The following CGNL1 variants were observed in gnomAD, a reference collection of about 807,000 sequenced individuals.
CGNL1 encodes cingulin-like protein 1.
A neutral mutation model predicts 141.2 loss-of-function variants in CGNL1; 132 were observed. That is an observed-to-expected ratio of 0.93 (90% CI 0.81 to 1.08). The LOEUF is 1.08. Among genes scored for constraint, CGNL1 ranks in the 50% least tolerant of loss-of-function variants. The pLI, the probability that CGNL1 is intolerant of heterozygous loss-of-function variation, is 0.00. For missense variants in CGNL1, 1,870 were observed against 1,588.6 expected, an observed-to-expected ratio of 1.18 and a Z score of -3.01; for synonymous variants, 690 against 622.1, an observed-to-expected ratio of 1.11 and a Z score of -1.63.
rs368084463 is a variant in CGNL1, at chr15:57,452,456, T to C, written c.2054+167T>C. On this transcript the variant is annotated intron_variant, in intron 6 of 18. Transcript: ENST00000281282. ...GTAAAATTATGAAGCTGGCGACACATGTAGACTGATAAACAAAAAGGTTAG... is the reference window on the plus strand; with the variant it reads ...GTAAAATTATGAAGCTGGCGACACACGTAGACTGATAAACAAAAAGGTTAG... Among the ~76,000 whole-genome samples, 14 of 152,342 alleles carry C rather than the reference T, an allele frequency of 9.2e-5. No homozygotes were observed. In the South Asian group the frequency reaches 1.2e-3, roughly 14 times the overall value.
At chr15:57,413,865 G>A (rs1247649847) in intron 1 of CGNL1, among the ~76,000 whole-genome samples, 3 of 152,154 alleles carry the variant, frequency 2.0e-5, no homozygotes. Flanking sequence ...CCCAGTGTCG[G>A]CATCAGTTTT....
intron 4 of CGNL1, among the ~76,000 whole-genome samples, chr15:57,447,898 A>C (rs2063276319): frequency 6.6e-6 from 1 of 151,440 alleles, no homozygotes; most frequent in Admixed American, 6.6e-5. Flanking sequence ...TTGACCTTTC[A>C]AATTCATTAG....
chr15:57,508,698 A>G (rs887322381), intron 8 of CGNL1, among the ~76,000 whole-genome samples: 11 of 152,234 alleles, frequency 7.2e-5, no homozygotes, highest in African/African-American at 2.4e-4. Flanking sequence ...AGCTCAGCTC[A>G]AATCTCTGCA....
chr15:57,465,565 A>G (rs576809994), intron 8 of CGNL1, among the ~76,000 whole-genome samples: 31 of 151,650 alleles, frequency 2.0e-4, no homozygotes, highest in African/African-American at 7.5e-4. Flanking sequence ...TAATTTTTGT[A>G]TTTTTAGTAG....
intron 18 of CGNL1, 103 bp from the exon 19 acceptor site, chr15:57,547,252 C>A: frequency 7.8e-7 from 1 of 1,282,494 alleles, no homozygotes; most frequent in Non-Finnish European, 1.1e-6. Flanking sequence ...CTGTGCCACT[C>A]AGTGGGGTGC....
intron 12 of CGNL1, 35 bp from the exon 13 acceptor site, chr15:57,528,619 C>G: frequency 6.2e-7 from 1 of 1,610,492 alleles, no homozygotes; most frequent in Non-Finnish European, 8.5e-7. Context: ...TCTTGATGCA[C>G]CCCAGAAAAC....
At chr15:57,449,040 T>A (rs1446423687) in intron 4 of CGNL1, among the ~76,000 whole-genome samples, 1 of 152,186 alleles carries the variant, frequency 6.6e-6, no homozygotes, top group Non-Finnish European at 1.5e-5. Flanking sequence ...CCATGTTCCT[T>A]TCTTGGATTT....
intron 8 of CGNL1, among the ~76,000 whole-genome samples, chr15:57,494,864 T>C (rs2063915115): frequency 6.6e-6 from 1 of 152,196 alleles, no homozygotes; most frequent in African/African-American, 2.4e-5. Flanking sequence ...TCCCTCTAAA[T>C]GTCTCCATGT....
intron 8 of CGNL1, among the ~76,000 whole-genome samples, chr15:57,475,531 GTGTGTTTTC>G (rs1402724648): frequency 2.3e-5 from 2 of 86,194 alleles, no homozygotes; most frequent in Admixed American, 1.3e-4. Flanking sequence ...GTGTGTGTGT[GTGTGTTTTC>G]TTTTCTTCTC....
At chr15:57,456,407 T>C (rs2063379387) in intron 7 of CGNL1, among the ~76,000 whole-genome samples, 2 of 152,114 alleles carry the variant, frequency 1.3e-5, no homozygotes, top group African/African-American at 4.8e-5. Context: ...ATGCAGTCAG[T>C]AAAGTAACAT....
intron 8 of CGNL1, among the ~76,000 whole-genome samples, chr15:57,480,573 T>C (rs1280381): frequency 0.49 from 73,840 of 152,106 alleles, 18,199 homozygotes; most frequent in South Asian, 0.53. Context: ...TTTAAAAAGT[T>C]ACAACCATCA....
At chr15:57,543,877 A>T in intron 15 of CGNL1, 98 bp downstream of exon 15, 1 of 847,028 alleles carries the variant, frequency 1.2e-6, no homozygotes, top group Middle Eastern at 3.4e-4. Context: ...TCCCTCCTTT[A>T]CTTGGCATCC....
Position 57,438,512 on chromosome 15 carries a change from G to A in CGNL1, c.513G>A (p.Glu171=), listed in dbSNP as rs774257684. 3 of 1,614,128 alleles carry A rather than the reference G, an allele frequency of 1.9e-6. No homozygotes were observed. The highest frequency in any genetic ancestry group is 2.5e-6 in the Non-Finnish European group (3 of 1,180,046). The part of the protein sequence containing the change: ...ELNLQNHQPS[E]SNWLKTLTEE... ...ATTTACAAAATCACCAGCCTTCTGA[G>A]AGTAATTGGCTAAAAACGTTGACAG... The change falls in exon 2 of 19, where the codon GAG becomes GAA. Residue 171 remains glutamate, a synonymous_variant. Coordinates refer to ENST00000281282, the MANE Select transcript of CGNL1 (RefSeq NM_032866.5).
chr15:57,514,074 C>A (rs1197601109), intron 8 of CGNL1, among the ~76,000 whole-genome samples: 1 of 152,108 alleles, frequency 6.6e-6, no homozygotes, highest in Non-Finnish European at 1.5e-5. Flanking sequence ...ATTTGCATTT[C>A]CCTAATGACT....
chr15:57,446,665 C>CTTTTTTTTT (rs11327140), intron 4 of CGNL1, among the ~76,000 whole-genome samples: 1 of 116,710 alleles, frequency 8.6e-6, no homozygotes, highest in East Asian at 2.4e-4. Context: ...CTGAACATTA[C>CTTTTTTTTT]TTTTTTTTTT....
At position 57,438,969 on chromosome 15, in the gene CGNL1, G is replaced by T; in HGVS notation, c.970G>T (p.Asp324Tyr). Residue 324 changes from aspartate to tyrosine, a missense_variant, in exon 2 of 19, where the codon GAC becomes TAC. Transcript: ENST00000281282. ...LDDQECAIHA[D>Y]NVNRHENRRY... ...TGATCAGGAATGTGCCATCCATGCC[G>T]ACAACGTCAATCGTCATGAAAACAG... 1 of 1,614,156 alleles carries T rather than the reference G, an allele frequency of 6.2e-7. No individual in the cohort carries two copies. The highest frequency in any genetic ancestry group is 8.5e-7 in the Non-Finnish European group (1 of 1,180,034).
chr15:57,468,739 G>C (rs143065740), intron 8 of CGNL1, among the ~76,000 whole-genome samples: 3 of 152,232 alleles, frequency 2.0e-5, no homozygotes, highest in African/African-American at 7.2e-5. Flanking sequence ...CCTAAATCTC[G>C]TCTTGAATTG....
chr15:57,472,561 G>A (rs2063596164), intron 8 of CGNL1, among the ~76,000 whole-genome samples: 1 of 152,180 alleles, frequency 6.6e-6, no homozygotes, highest in East Asian at 1.9e-4. Context: ...ATTCGTTCAT[G>A]CTGACACTTA....
intron 14 of CGNL1, among the ~76,000 whole-genome samples, chr15:57,540,449 C>A (rs2032503951): frequency 6.6e-6 from 1 of 152,190 alleles, no homozygotes; most frequent in Non-Finnish European, 1.5e-5. Flanking sequence ...ACAAGAACAG[C>A]ATGGGAAAGA....
Sources: gnomAD v4.1 joint callset for allele counts (sites outside exome capture counted in the v4.1 genomes callset) on GRCh38, gnomAD v4.1.1 for gene constraint, MANE v1.5 for transcripts, NCBI Gene and HGNC (gene_info 2026-07-23, HGNC 2026-07-21) for gene names.